Variants in SUCLG1 observed in about 807,000 individuals in gnomAD.
SUCLG1 encodes succinate--CoA ligase [ADP/GDP-forming] subunit alpha, mitochondrial.
Under a neutral mutation model 37.3 loss-of-function variants are expected in SUCLG1, and 26 were observed. That is an observed-to-expected ratio of 0.70 (90% CI 0.51 to 0.97). The LOEUF (loss-of-function observed/expected upper bound fraction) is 0.97, where lower values mean the gene tolerates loss of function less well. SUCLG1 is among the 50% of genes least tolerant of loss of function. The pLI is 0.00. For missense variants in SUCLG1, 433 were observed against 432.9 expected (o/e 1.00, Z 0.00); for synonymous variants, 163 against 155.6 (o/e 1.05, Z -0.36).
intron 5 of SUCLG1, 184 bp from the exon 6 acceptor site, chr2:84,433,619 G>A (rs1672642567): frequency 3.2e-6 from 2 of 619,176 alleles, no homozygotes; most frequent in African/African-American, 1.9e-5. Flanking sequence ...ATTCAAGCAG[G>A]GGGGTTTTTT....
chr2:84,449,604 A>T, intron 2 of SUCLG1, 45 bp downstream of exon 2: 1 of 1,256,920 alleles, frequency 8.0e-7, no homozygotes, highest in Non-Finnish European at 1.1e-6. Context: ...TTAATTTGTT[A>T]TATCTCTAGT....
chr2:84,425,649 C>G lies in SUCLG1; in HGVS notation c.826-46G>C, dbSNP rs772296004. 3.1e-6 allele frequency: 5 copies of G among 1,603,652 alleles called. No individual in the cohort carries two copies. The Admixed American group carries it at 8.3e-5, about 27-fold the overall frequency. On this transcript the variant is annotated intron_variant, in intron 7 of 8. Transcript: ENST00000393868. ...TAAATGCTCTAATGAAGAAGTCAATCAAAACGGGACCTCAAATTCATGACT... is the reference window on the plus strand; with the variant it reads ...TAAATGCTCTAATGAAGAAGTCAATGAAAACGGGACCTCAAATTCATGACT...
chr2:84,449,847 A>G lies in SUCLG1; in HGVS notation c.98-95T>C, dbSNP rs1672913825. 1.3e-5 allele frequency: 13 copies of G among 982,736 alleles called. No homozygotes were observed. In the South Asian group the frequency reaches 1.7e-4, roughly 13 times the overall value. 60.9% of individuals were successfully genotyped at this position (982,736 alleles called of 1,614,324 possible). On this transcript the variant is annotated intron_variant, in intron 1 of 8. Transcript: ENST00000393868. ...AATTCAACTTGATCACAAAAAAAAAATTCTTTAATGCACGCGCTATCCTGT... is the reference window on the plus strand; with the variant it reads ...AATTCAACTTGATCACAAAAAAAAAGTTCTTTAATGCACGCGCTATCCTGT...
At chr2:84,449,912 C>T (rs1022137937) in intron 1 of SUCLG1, among the ~76,000 whole-genome samples, 160 bp from the exon 2 acceptor site, 7 of 151,808 alleles carry the variant, frequency 4.6e-5, no homozygotes, top group African/African-American at 1.7e-4. Context: ...AAATAAGACA[C>T]AGTGACCACA....
At chr2:84,440,786 CCA>C (rs71920423) in intron 5 of SUCLG1, among the ~76,000 whole-genome samples, 1,758 of 152,254 alleles carry the variant, frequency 0.012, 31 homozygotes, top group East Asian at 0.066. Flanking sequence ...ATGGAGTAAT[CCA>C]CAGAGTGCTG....
intron 7 of SUCLG1, among the ~76,000 whole-genome samples, chr2:84,428,097 C>T (rs1162071998): frequency 6.6e-6 from 1 of 152,164 alleles, no homozygotes; most frequent in African/African-American, 2.4e-5. Flanking sequence ...CCAGTAACCC[C>T]AGAATGCTCT....
chr2:84,445,912 C>A (rs1672842798), intron 2 of SUCLG1, among the ~76,000 whole-genome samples: 1 of 152,212 alleles, frequency 6.6e-6, no homozygotes, highest in Non-Finnish European at 1.5e-5. Flanking sequence ...CATATACTGG[C>A]CTACAAGTCA....
chr2:84,443,486 A>T (rs1271255093), intron 2 of SUCLG1, 86 bp from the exon 3 acceptor site: 14 of 1,088,380 alleles, frequency 1.3e-5, no homozygotes, highest in Non-Finnish European at 2.0e-5. Context: ...ACTTAGGAAA[A>T]GAAAAACAAA....
chr2:84,455,399 C>T (rs868105369), intron 1 of SUCLG1, among the ~76,000 whole-genome samples: 1 of 151,908 alleles, frequency 6.6e-6, no homozygotes, highest in African/African-American at 2.4e-5. Flanking sequence ...GAGGCTGAGG[C>T]AGGAGAATGG....
Position 84,441,291 on chromosome 2 carries a change from C to T in SUCLG1, c.487G>A (p.Glu163Lys). ...TTGGGCCCAATTAGCCTTGTCTTTT[C>T]CTGGCGCAGCAGTTTGTGCTTGACT... ...VRVKHKLLRQ[E>K]KTRLIGPNCP... Residue 163 changes from glutamate to lysine, a missense_variant, in exon 4 of 9, where the codon GAA becomes AAA. Glu to Lys is a moderately conservative substitution (Grantham distance 56). Transcript: ENST00000393868. 6.2e-7 allele frequency: 1 copy of T among 1,614,072 alleles called. No individual in the cohort carries two copies. Among genetic ancestry groups the T allele is most frequent in the Non-Finnish European group, 8.5e-7 (1 of 1,180,018 alleles).
At chr2:84,431,705 C>A (rs1672616853) in intron 6 of SUCLG1, 46 bp from the exon 7 acceptor site, 1 of 1,606,090 alleles carries the variant, frequency 6.2e-7, no homozygotes, top group Admixed American at 1.7e-5. Context: ...TAAGGGTGAA[C>A]CATGGAATTT....
At chr2:84,454,204 T>C (rs1412906056) in intron 1 of SUCLG1, among the ~76,000 whole-genome samples, 1 of 152,248 alleles carries the variant, frequency 6.6e-6, no homozygotes, top group Non-Finnish European at 1.5e-5. Flanking sequence ...AAAAATGTTT[T>C]CTACATGTCC....
At position 84,431,618 on chromosome 2, in the gene SUCLG1, A is replaced by C; in HGVS notation, c.715T>G (p.Cys239Gly). The C allele has an allele frequency of 6.2e-7, 1 of 1,614,028 alleles. No individual in the cohort carries two copies. Among genetic ancestry groups the C allele is most frequent in the Non-Finnish European group, 8.5e-7 (1 of 1,179,924 alleles). Residue 239 changes from cysteine to glycine, a missense_variant, in exon 7 of 9, where the codon TGC becomes GGC. Transcript: ENST00000393868. ...GAATCGTTCAAAAAGATTTCGAGGC[A>C]GTCAATAAAATCTGTTCCATTAAAA... ...DPFNGTDFID[C>G]LEIFLNDSAT...
intron 5 of SUCLG1, among the ~76,000 whole-genome samples, chr2:84,434,542 G>A (rs927413081): frequency 7.2e-5 from 11 of 152,160 alleles, no homozygotes; most frequent in Non-Finnish European, 1.6e-4. Flanking sequence ...TGAGCTTCCA[G>A]AAAGGTAATT....
chr2:84,428,135 T>TCCA (rs1672561514), intron 7 of SUCLG1, among the ~76,000 whole-genome samples: 1 of 152,188 alleles, frequency 6.6e-6, no homozygotes, highest in Admixed American at 6.5e-5. Flanking sequence ...GAGAATGCTC[T>TCCA]CCACCCTCCT....
At chr2:84,442,159 C>A (rs1371497935) in intron 3 of SUCLG1, among the ~76,000 whole-genome samples, 1 of 58,636 alleles carries the variant, frequency 1.7e-5, no homozygotes, top group African/African-American at 7.2e-5. Context: ...GCAAGAAGAA[C>A]TTTCTTTAAA....
chr2:84,432,534 T>A (rs1166053669), intron 6 of SUCLG1: 4 of 152,246 alleles, frequency 2.6e-5, no homozygotes, highest in African/African-American at 9.6e-5. Context: ...AAGGAATCGG[T>A]AAGCCTGTTT....
At chr2:84,459,061 G>A in intron 1 of SUCLG1, 112 bp downstream of exon 1, 4 of 1,118,928 alleles carry the variant, frequency 3.6e-6, no homozygotes, top group African/African-American at 1.6e-5. Context: ...CGGCTCCCAG[G>A]CCCCCGCCGA....
Position 84,425,480 on chromosome 2 carries a change from C to T in SUCLG1, c.949G>A (p.Ala317Thr). The change falls in exon 8 of 9, where the codon GCC (alanine) becomes ACC (threonine). Residue 317 changes from alanine to threonine, a missense_variant. Coordinates refer to ENST00000393868, the MANE Select transcript of SUCLG1 (RefSeq NM_003849.4). ...ACCACAACTCCTGCACTCTGAAGGG[C>T]AGAGATCTTCTCTTTAGCTCCACCT... ...GKGGAKEKIS[A>T]LQSAGVVVSM... 2 of 1,614,220 alleles carry T rather than the reference C, an allele frequency of 1.2e-6. No homozygotes were observed. The highest frequency in any genetic ancestry group is 2.2e-5 in the South Asian group (2 of 91,084).
Sources: allele counts gnomAD v4.1 joint callset (sites outside exome capture counted in the v4.1 genomes callset), GRCh38; gene constraint gnomAD v4.1.1; transcripts MANE v1.5; gene names NCBI Gene and HGNC (gene_info 2026-07-23, HGNC 2026-07-21).